The following SLC26A5 variants were observed in gnomAD, a reference collection of about 807,000 sequenced individuals.
SLC26A5 encodes prestin.
In SLC26A5, 51 loss-of-function variants were observed where a neutral mutation model predicts 81.0. The observed-to-expected ratio is 0.63, with a 90% confidence interval of 0.50 to 0.80. The LOEUF is 0.80. Among genes scored for constraint, SLC26A5 ranks in the 30% least tolerant of loss-of-function variants. The probability of loss-of-function intolerance (pLI) is 0.00; values close to 1 mark genes in which losing one functional copy is unlikely to be tolerated. For synonymous variants in SLC26A5, 325 were observed against 332.8 expected, an observed-to-expected ratio of 0.98 and a Z score of 0.25; for missense variants, 771 against 905.8, an observed-to-expected ratio of 0.85 and a Z score of 1.91.
At chr7:103,417,102 T>C (rs1274989534) in intron 4 of SLC26A5, among the ~76,000 whole-genome samples, 6 of 152,120 alleles carry the variant, frequency 3.9e-5, no homozygotes, top group East Asian at 1.9e-4. Flanking sequence ...CTGGGCACAG[T>C]GGCTCACCCC....
chr7:103,365,485 C>T (rs373985017), intron 19 of SLC26A5, among the ~76,000 whole-genome samples: 2 of 151,844 alleles, frequency 1.3e-5, no homozygotes, highest in Non-Finnish European at 2.9e-5. Flanking sequence ...TAGAAAAAGC[C>T]GGGTGTGGTG....
chr7:103,397,077 AGAGT>A (rs1266385103), intron 9 of SLC26A5, among the ~76,000 whole-genome samples: 1 of 146,928 alleles, frequency 6.8e-6, no homozygotes, highest in Non-Finnish European at 1.5e-5. Flanking sequence ...CCTGGGCAAC[AGAGT>A]GAGACTCGGT....
In SLC26A5 at chr7:103,443,147, G is replaced by A. The variant is rs1249249992; in HGVS notation, c.-118C>T. ...AAGATCCCCCGCTGGGAGCTCCAGT[G>A]CAGTTCACTGAAGCCTTGATCACTG... On this transcript the variant is annotated 5_prime_UTR_variant, in exon 2 of 20. Coordinates refer to ENST00000306312, the MANE Select transcript of SLC26A5 (RefSeq NM_198999.3). 1 of 152,296 alleles carries A rather than the reference G, an allele frequency of 6.6e-6. No individual in the cohort carries two copies. Among genetic ancestry groups the A allele is most frequent in the East Asian group, 1.9e-4 (1 of 5,198 alleles). The allele number at this position is 152,296 out of a possible 1,614,324, so 9.4% of individuals were successfully genotyped here.
At chr7:103,403,246 T>A (rs545318630) in intron 8 of SLC26A5, among the ~76,000 whole-genome samples, 2 of 152,344 alleles carry the variant, frequency 1.3e-5, no homozygotes, top group African/African-American at 4.8e-5. Context: ...GACTGTTTGT[T>A]ATGATTTCCA....
intron 2 of SLC26A5, among the ~76,000 whole-genome samples, chr7:103,439,262 T>A (rs191257955): frequency 6.6e-6 from 1 of 152,126 alleles, no homozygotes; most frequent in Non-Finnish European, 1.5e-5. Flanking sequence ...GAGGCTAATT[T>A]GGAGAGGAAA....
intron 19 of SLC26A5, among the ~76,000 whole-genome samples, chr7:103,357,326 C>CAA (rs762310758): frequency 3.7e-4 from 29 of 77,840 alleles, no homozygotes; most frequent in African/African-American, 1.0e-3. Context: ...TACTCTGTCT[C>CAA]AAAAAAAAAA....
chr7:103,366,130 C>T, intron 19 of SLC26A5: 1 of 1,613,870 alleles, frequency 6.2e-7, no homozygotes, highest in Non-Finnish European at 8.5e-7. Context: ...AAAAGCCTGC[C>T]TTATCTTCTT....
At chr7:103,361,323 A>T (rs1356399984) in intron 19 of SLC26A5, among the ~76,000 whole-genome samples, 1 of 147,138 alleles carries the variant, frequency 6.8e-6, no homozygotes, top group Non-Finnish European at 1.5e-5. Flanking sequence ...TTCAAGAGAA[A>T]CCCCCTCTCT....
rs1393205188 is a variant in SLC26A5 at position 103,400,468 on chromosome 7, C to T, written c.889-2454G>A. On this transcript the variant is annotated intron_variant, in intron 8 of 19. Coordinates refer to ENST00000306312, the MANE Select transcript of SLC26A5 (RefSeq NM_198999.3). ...GTTCCTTGTAGATTCTGGATATTAG[C>T]CCTTTGTCAGATGGACAGATTGCAA... Among the ~76,000 whole-genome samples the T allele has an allele frequency of 7.2e-5, 11 of 152,108 alleles. No homozygotes were observed. In the East Asian group the frequency reaches 1.5e-3, roughly 21 times the overall value.
intron 19 of SLC26A5, chr7:103,368,082 T>A: frequency 6.3e-7 from 1 of 1,575,522 alleles, no homozygotes; most frequent in Non-Finnish European, 8.6e-7. Context: ...GTGAAAACTT[T>A]AAATTGGAAT....
chr7:103,395,344 T>A (rs1165564271), intron 9 of SLC26A5, among the ~76,000 whole-genome samples: 2 of 18,964 alleles, frequency 1.1e-4, no homozygotes, highest in Non-Finnish European at 4.6e-4. Context: ...ACGTAAGGTC[T>A]TTTTTTTTTT....
In SLC26A5 at chr7:103,374,643, A is replaced by G. The variant is rs775579925; in HGVS notation, c.2042-51T>C. 10 of 1,559,262 alleles carry G rather than the reference A, an allele frequency of 6.4e-6. No homozygotes were observed. The Admixed American group carries it at 1.7e-4, about 27-fold the overall frequency. On this transcript the variant is annotated intron_variant, in intron 19 of 19. Transcript: ENST00000306312. ...GTCCACACTCTGGATATCAGTCTTCAACAATTAAAAAAAAGTAACACTTCC... is the reference window on the plus strand; with the variant it reads ...GTCCACACTCTGGATATCAGTCTTCGACAATTAAAAAAAAGTAACACTTCC...
Position 103,352,745 on chromosome 7 carries a change from C to T in SLC26A5, c.*165G>A, listed in dbSNP as rs1290929310. 1.2e-5 allele frequency: 9 copies of T among 734,846 alleles called. No individual in the cohort carries two copies. The Admixed American group carries it at 1.6e-4, about 13-fold the overall frequency. 45.5% of individuals were successfully genotyped at this position (734,846 alleles called of 1,614,324 possible). A position where few individuals can be genotyped will look rare whatever the true frequency, so the allele number is the denominator to read the frequency against. On this transcript the variant is annotated 3_prime_UTR_variant, in exon 20 of 20. Coordinates refer to the SLC26A5 transcript ENST00000339444. The stretch of plus-strand genomic sequence containing the variant: ...ACTCATCCTGGTAGATTCATTTTTT[C>T]TTTATTTCACAAAAGAGAAAACAAA...
intron 2 of SLC26A5, among the ~76,000 whole-genome samples, chr7:103,425,720 T>C (rs948290979): frequency 6.6e-6 from 1 of 152,124 alleles, no homozygotes; most frequent in African/African-American, 2.4e-5. Context: ...AGGATTAAAA[T>C]ATAAGGTCAT....
Position 103,389,246 on chromosome 7 carries a change from A to T in SLC26A5, c.1407+83T>A. 6 of 1,250,796 alleles carry T rather than the reference A, an allele frequency of 4.8e-6. No individual in the cohort carries two copies. The South Asian group carries it at 7.2e-5, about 15-fold the overall frequency. 77.5% of individuals were successfully genotyped at this position (1,250,796 alleles called of 1,614,324 possible). ...GGATACTGCACATAACAACTGCATTAATTTATCTTTCTCACATTTTTCTTA... is the reference window on the plus strand; with the variant it reads ...GGATACTGCACATAACAACTGCATTTATTTATCTTTCTCACATTTTTCTTA... On this transcript the variant is annotated intron_variant, in intron 13 of 19. Transcript: ENST00000306312.
At chr7:103,353,312 T>C (rs1421729799) in intron 19 of SLC26A5, among the ~76,000 whole-genome samples, 1 of 152,212 alleles carries the variant, frequency 6.6e-6, no homozygotes, top group Admixed American at 6.5e-5. Flanking sequence ...TATTTCCTTT[T>C]CTTTTTCTTT....
chr7:103,419,370 C>G (rs58447419), intron 4 of SLC26A5, among the ~76,000 whole-genome samples: 8,736 of 152,190 alleles, frequency 0.057, 451 homozygotes, highest in East Asian at 0.14. Context: ...GCCACTGCCC[C>G]CTGCTCCCTC....
intron 19 of SLC26A5, among the ~76,000 whole-genome samples, chr7:103,357,216 C>T (rs955742117): frequency 2.0e-5 from 3 of 151,402 alleles, no homozygotes; most frequent in African/African-American, 7.3e-5. Flanking sequence ...ATCCCAGCTA[C>T]TGGAGAGGCT....
At chr7:103,429,914 A>C (rs1221325816) in intron 2 of SLC26A5, among the ~76,000 whole-genome samples, 1 of 152,102 alleles carries the variant, frequency 6.6e-6, no homozygotes, top group African/African-American at 2.4e-5. Context: ...GTTGGTGCAA[A>C]AGTGATTGTG....
Sources: gnomAD v4.1 joint callset for allele counts (sites outside exome capture counted in the v4.1 genomes callset) on GRCh38, gnomAD v4.1.1 for gene constraint, MANE v1.5 for transcripts, NCBI Gene and HGNC (gene_info 2026-07-23, HGNC 2026-07-21) for gene names.